Variants in TPTE2 observed in about 807,000 individuals in gnomAD.
The protein encoded by TPTE2 is phosphatidylinositol 3,4,5-trisphosphate 3-phosphatase TPTE2.
Under a neutral mutation model 78.6 loss-of-function variants are expected in TPTE2, and 53 were observed. The ratio of observed to expected loss-of-function variants is 0.67; its 90% confidence interval spans 0.54 to 0.85. The LOEUF (loss-of-function observed/expected upper bound fraction) is 0.85, where lower values mean the gene tolerates loss of function less well. Among genes scored for constraint, TPTE2 ranks in the 40% least tolerant of loss-of-function variants. The probability of loss-of-function intolerance (pLI) is 0.00; values close to 1 mark genes in which losing one functional copy is unlikely to be tolerated. For missense variants in TPTE2, 461 were observed against 623.0 expected (o/e 0.74, Z 2.77); for synonymous variants, 175 against 206.2 (o/e 0.85, Z 1.30).
chr13:19,521,272 GTT>G (rs1870130267), intron 1 of TPTE2, among the ~76,000 whole-genome samples: 1 of 151,574 alleles, frequency 6.6e-6, no homozygotes, highest in Admixed American at 6.6e-5. Context: ...TTGGGGCTCT[GTT>G]ATATGTTTTT....
Position 19,483,249 on chromosome 13 carries a change from C to T in TPTE2, c.120-702G>A, listed in dbSNP as rs865917562. ...AAGTTTGCTGTGGCAAATGACTCTT[C>T]CTTTCACAAGTGAGGATTAAGTGGT... On this transcript the variant is annotated intron_variant, in intron 3 of 19. Transcript: ENST00000400230. Among the ~76,000 whole-genome samples, 4 of 152,178 alleles carry T rather than the reference C, an allele frequency of 2.6e-5. No homozygotes were observed. The South Asian group carries it at 8.3e-4, about 31-fold the overall frequency.
At chr13:19,450,155 C>A in exon 13 of TPTE2, 1 of 1,611,102 alleles carries the variant, frequency 6.2e-7, no homozygotes, top group Non-Finnish European at 8.5e-7. Context: ...TGGTGAAAAC[C>A]ACCATCTCAC....
chr13:19,487,187 T>A (rs1880714595), intron 3 of TPTE2, among the ~76,000 whole-genome samples: 1 of 152,092 alleles, frequency 6.6e-6, no homozygotes, highest in Admixed American at 6.5e-5. Context: ...TTAGTTGGCC[T>A]GACAGTCTGC....
chr13:19,434,582 CTTTGT>C (rs547488667), intron 15 of TPTE2, among the ~76,000 whole-genome samples: 118 of 148,426 alleles, frequency 8.0e-4, no homozygotes, highest in African/African-American at 2.8e-3. Context: ...CTATGACTAT[CTTTGT>C]TTTGTTTTGT....
intron 6 of TPTE2, among the ~76,000 whole-genome samples, chr13:19,469,238 T>C (rs1370397731): frequency 6.6e-6 from 1 of 152,214 alleles, no homozygotes; most frequent in Non-Finnish European, 1.5e-5. Context: ...TTCTTCTGTA[T>C]GTGTATATCC....
At chr13:19,557,093 CAGTA>C in the TPTE2 span, among the ~76,000 whole-genome samples, 1 of 152,192 alleles carries the variant, frequency 6.6e-6, no homozygotes, top group Non-Finnish European at 1.5e-5. Context: ...CTCTTCTAGA[CAGTA>C]AGCTGCCTAA....
At chr13:19,435,791 C>CACACACAT (rs750778227) in intron 15 of TPTE2, among the ~76,000 whole-genome samples, 25 of 150,904 alleles carry the variant, frequency 1.7e-4, no homozygotes, top group South Asian at 2.1e-4. Context: ...CACACACACA[C>CACACACAT]ACCAGGAGTC....
chr13:19,424,933 T>C lies in TPTE2; in HGVS notation c.1466+14A>G, dbSNP rs1183148433. ...AGATTAGGCTGTTTCTATGGGTTTC[T>C]ATTATATTCATACCTGTTATTTTGA... On this transcript the variant is annotated intron_variant, in intron 19 of 19. Transcript: ENST00000400230. The C allele has an allele frequency of 2.8e-6, 4 of 1,428,512 alleles. No individual in the cohort carries two copies. The highest frequency in any genetic ancestry group is 3.9e-6 in the Non-Finnish European group (4 of 1,038,462). 88.5% of individuals were successfully genotyped at this position (1,428,512 alleles called of 1,614,324 possible). A position where few individuals can be genotyped will look rare whatever the true frequency, so the allele number is the denominator to read the frequency against.
intron 1 of TPTE2, among the ~76,000 whole-genome samples, chr13:19,526,846 A>G (rs973240652): frequency 6.6e-6 from 1 of 152,204 alleles, no homozygotes; most frequent in African/African-American, 2.4e-5. Context: ...CAGTATATCA[A>G]AATGGTTAAT....
upstream of TPTE2, among the ~76,000 whole-genome samples, chr13:19,538,861 C>T (rs1168149499): frequency 6.6e-6 from 1 of 152,050 alleles, no homozygotes; most frequent in Non-Finnish European, 1.5e-5. Flanking sequence ...AATCATAAAT[C>T]CGACAGAATT....
chr13:19,434,693 A>C (rs1178228680), intron 15 of TPTE2, among the ~76,000 whole-genome samples: 2 of 152,146 alleles, frequency 1.3e-5, no homozygotes, highest in Non-Finnish European at 2.9e-5. Flanking sequence ...CGGTAGTTAG[A>C]GTGTTCTTCT....
intron 10 of TPTE2, among the ~76,000 whole-genome samples, chr13:19,451,837 G>GTA (rs1405472883): frequency 2.5e-4 from 30 of 117,698 alleles, no homozygotes; most frequent in Non-Finnish European, 4.6e-4. Context: ...GTGTGTGTGT[G>GTA]TGTGTGTATA....
At chr13:19,519,370 A>T (rs1870008628) in intron 1 of TPTE2, among the ~76,000 whole-genome samples, 1 of 152,192 alleles carries the variant, frequency 6.6e-6, no homozygotes, top group Non-Finnish European at 1.5e-5. Context: ...TCAATATCAT[A>T]AAAAATGTAC....
rs190867877 is a variant in TPTE2, at chr13:19,510,315, A to G, written c.-43-7038T>C. Among the ~76,000 whole-genome samples the G allele has an allele frequency of 4.1e-3, 631 of 152,280 alleles. 5 individuals carry two copies. Among genetic ancestry groups the G allele is most frequent in the South Asian group, 0.025 (122 of 4,826 alleles). On this transcript the variant is annotated intron_variant, in intron 1 of 17. Transcript: ENST00000390680. Reference sequence around the variant, plus strand: ...TTTGGCTCACAGTTGTGTGCTGCACAAGAAGCCTGATGCCAACATCTGCTT... The same window carrying G: ...TTTGGCTCACAGTTGTGTGCTGCACGAGAAGCCTGATGCCAACATCTGCTT...
chr13:19,557,413 C>T, the TPTE2 span, among the ~76,000 whole-genome samples: 1 of 152,122 alleles, frequency 6.6e-6, no homozygotes, highest in East Asian at 1.9e-4. Flanking sequence ...GCAGGGATCC[C>T]TGAGAACCCA....
At chr13:19,459,407 C>T (rs1426712306) in intron 10 of TPTE2, among the ~76,000 whole-genome samples, 1 of 152,180 alleles carries the variant, frequency 6.6e-6, no homozygotes, top group Non-Finnish European at 1.5e-5. Context: ...AGCCAGCCCG[C>T]ACATACCTGC....
At chr13:19,536,356 A>T (rs1035074975) in intron 1 of TPTE2, among the ~76,000 whole-genome samples, 2 of 152,212 alleles carry the variant, frequency 1.3e-5, no homozygotes, top group Admixed American at 1.3e-4. Flanking sequence ...TCATCATATA[A>T]TGAGTATAAC....
At chr13:19,437,221 A>G (rs1297150750) in intron 14 of TPTE2, among the ~76,000 whole-genome samples, 1 of 152,182 alleles carries the variant, frequency 6.6e-6, no homozygotes, top group African/African-American at 2.4e-5. Context: ...ACCCATTTTC[A>G]AAATCTGTGT....
At chr13:19,506,217 G>C (rs536826710), upstream of TPTE2, among the ~76,000 whole-genome samples, 2 of 102,622 alleles carry the variant, frequency 1.9e-5, no homozygotes, top group South Asian at 3.8e-4. Context: ...TGTCGCCCAG[G>C]CTGGAGTGCA....
Sources: allele counts gnomAD v4.1 joint callset (sites outside exome capture counted in the v4.1 genomes callset), GRCh38; gene constraint gnomAD v4.1.1; transcripts MANE v1.5; gene names NCBI Gene and HGNC (gene_info 2026-07-23, HGNC 2026-07-21).